The following WDR62 variants were observed in gnomAD, a reference collection of about 807,000 sequenced individuals.
WDR62 encodes the protein WD repeat-containing protein 62.
A neutral mutation model predicts 160.6 loss-of-function variants in WDR62; 112 were observed. That is an observed-to-expected ratio of 0.70 (90% CI 0.60 to 0.82). The LOEUF is 0.82. Among genes scored for constraint, WDR62 ranks in the 40% least tolerant of loss-of-function variants. The pLI is 0.00. For synonymous variants in WDR62, 792 were observed against 815.1 expected (o/e 0.97, Z 0.48); for missense variants, 1,819 against 1,983.8 (o/e 0.92, Z 1.58).
At chr19:36,057,723 G>T (rs1326758562) in intron 1 of WDR62, among the ~76,000 whole-genome samples, 2 of 152,116 alleles carry the variant, frequency 1.3e-5, no homozygotes, top group Admixed American at 1.3e-4. Context: ...CGCCATCTTG[G>T]CCAGGATGGT....
chr19:36,073,957 G>C (rs1971439354), intron 9 of WDR62: 1 of 350,408 alleles, frequency 2.9e-6, no homozygotes, highest in Non-Finnish European at 5.6e-6. Context: ...GCACTCCACA[G>C]AGAGCTTTGC....
chr19:36,103,673 A>G lies in WDR62; in HGVS notation c.3845A>G (p.Glu1282Gly). ...CCCAGTTTGGACAGTGAGGGCCAAG[A>G]GCCTGCCCTGCGTTCCTGGGGCAAC... ...TTPSLDSEGQEPALRSWGNHE... is the reference protein window; with the variant it reads ...TTPSLDSEGQGPALRSWGNHE... Residue 1282 changes from glutamate to glycine, a missense_variant, in exon 30 of 32, where the codon GAG becomes GGG. By Grantham distance (98) the Glu-to-Gly change is moderately conservative. This residue lies in a region of WDR62 where 770 missense variants were observed against 734.2 expected (regional missense o/e 1.05). Coordinates refer to ENST00000401500, the MANE Select transcript of WDR62 (RefSeq NM_001083961.2). 1 of 1,610,280 alleles carries G rather than the reference A, an allele frequency of 6.2e-7. No individual in the cohort carries two copies. Among genetic ancestry groups the G allele is most frequent in the Non-Finnish European group, 8.5e-7 (1 of 1,179,978 alleles).
chr19:36,106,240 C>G (rs1973709202), downstream of WDR62, among the ~76,000 whole-genome samples: 1 of 152,060 alleles, frequency 6.6e-6, no homozygotes, highest in Non-Finnish European at 1.5e-5. Flanking sequence ...GTGGTGCACA[C>G]CTGTAGTCCC....
intron 10 of WDR62, 60 bp downstream of exon 10, chr19:36,081,630 A>C: frequency 1.2e-6 from 2 of 1,611,822 alleles, no homozygotes; most frequent in Non-Finnish European, 1.7e-6. Context: ...TGTAAGCTTG[A>C]ATGCAGGGGC....
intron 24 of WDR62, 75 bp downstream of exon 24, chr19:36,101,392 A>C: frequency 1.5e-6 from 2 of 1,290,782 alleles, no homozygotes; most frequent in South Asian, 2.5e-5. Context: ...ACCGATGGTG[A>C]CTTTGACCCA....
At chr19:36,055,251 C>G (rs972070110) in intron 1 of WDR62, 103 bp downstream of exon 1, 13 of 1,345,314 alleles carry the variant, frequency 9.7e-6, no homozygotes, top group East Asian at 7.6e-5. Context: ...CGGCCAGTCC[C>G]CTCAGGTTGT....
Position 36,055,146 on chromosome 19 carries a change from C to T in WDR62, c.175C>T (p.Arg59Trp). Residue 59 changes from arginine (R) to tryptophan (W), a missense_variant and splice_region_variant, in exon 1 of 32, where the codon CGG becomes TGG. Arg to Trp is a moderately radical substitution (Grantham distance 101). Coordinates refer to ENST00000401500, the MANE Select transcript of WDR62 (RefSeq NM_001083961.2). ...STASEETVQN[R>W]VSLEKVLGIT... ...GGCCTCCGAGGAGACGGTGCAGAAC[C>T]GGGTGAGAAGCTGCTCGCCATGTCT... 1.2e-6 allele frequency: 2 copies of T among 1,607,680 alleles called. No homozygotes were observed. Among genetic ancestry groups the T allele is most frequent in the East Asian group, 2.2e-5 (1 of 44,526 alleles).
rs927238347 is a variant in WDR62, at chr19:36,092,722, C to T, written c.2244C>T (p.Ile748=). The T allele has an allele frequency of 6.2e-7, 1 of 1,614,202 alleles. No individual in the cohort carries two copies. Residue 748 remains isoleucine (I), a synonymous_variant, in exon 19 of 32, where the codon ATC becomes ATT. Transcript: ENST00000401500. Reference sequence around the variant, plus strand: ...TCATCTGGCACCTGGGCCCGGAGATCACCAACTGCATGAAGCAGCACTTGC... The same window carrying T: ...TCATCTGGCACCTGGGCCCGGAGATTACCAACTGCATGAAGCAGCACTTGC... ...CVFIWHLGPE[I]TNCMKQHLLE...
At chr19:36,078,791 G>C (rs1359738834) in intron 9 of WDR62, among the ~76,000 whole-genome samples, 1 of 148,430 alleles carries the variant, frequency 6.7e-6, no homozygotes, top group Non-Finnish European at 1.5e-5. Flanking sequence ...AGCCAAGATC[G>C]TGCCATTGCA....
chr19:36,066,279 G>A lies in WDR62; in HGVS notation c.413G>A (p.Arg138His), dbSNP rs199673795. Residue 138 changes from arginine (R) to histidine (H), a missense_variant, in exon 5 of 32, where the codon CGC becomes CAC. Physicochemically the swap from Arg to His is conservative, Grantham distance 29. Coordinates refer to ENST00000401500, the MANE Select transcript of WDR62 (RefSeq NM_001083961.2). ...TAGAATGGGCATAGGCCTGCTGTGC[G>A]CATCTGGGATGTGGAGGAGAAGAAT... ...TGENGHRPAV[R>H]IWDVEEKNQV... 1.1e-5 allele frequency: 18 copies of A among 1,614,204 alleles called. No individual in the cohort carries two copies. Among genetic ancestry groups the A allele is most frequent in the Middle Eastern group, 1.7e-4 (1 of 6,052 alleles).
At chr19:36,105,947 C>A (rs1191503448), downstream of WDR62, among the ~76,000 whole-genome samples, 5 of 152,192 alleles carry the variant, frequency 3.3e-5, no homozygotes, top group African/African-American at 1.2e-4. Context: ...GATCCGCCCA[C>A]CTCGGCCTCC....
At chr19:36,105,229 C>T (rs550241668), downstream of WDR62, 4 of 677,862 alleles carry the variant, frequency 5.9e-6, no homozygotes, top group African/African-American at 1.8e-5. Context: ...GGGACCAGCG[C>T]TCCCAAGAAG....
In WDR62 at chr19:36,102,776, A is replaced by G. The variant is rs372880538; in HGVS notation, c.3260A>G (p.Glu1087Gly). ...GCTCTGGGAGACGTGGAGGCCTCTG[A>G]AGCTGAAGACCACTTCTTCAACCCA... ...PAALGDVEAS[E>G]AEDHFFNPRL... is the part of the protein sequence containing the mutation. Residue 1087 changes from glutamate (E) to glycine (G), a missense_variant, in exon 27 of 32, where the codon GAA becomes GGA. Physicochemically the swap from Glu to Gly is moderately conservative, Grantham distance 98 (BLOSUM62 -2). Around this residue, in one of 3 missense-constraint regions of WDR62, gnomAD observed 770 missense variants for 734.2 expected, o/e 1.05. Coordinates refer to ENST00000401500, the MANE Select transcript of WDR62 (RefSeq NM_001083961.2). The G allele has an allele frequency of 1.2e-6, 2 of 1,614,052 alleles. No individual in the cohort carries two copies. Among genetic ancestry groups the G allele is most frequent in the Non-Finnish European group, 1.7e-6 (2 of 1,180,026 alleles).
rs1169871324 is a variant in WDR62, at chr19:36,083,184, T to C, written c.1493T>C (p.Met498Thr). 1.2e-6 allele frequency: 2 copies of C among 1,611,686 alleles called. No homozygotes were observed. Among genetic ancestry groups the C allele is most frequent in the East Asian group, 2.2e-5 (1 of 44,872 alleles). ...PMDVKAGVRV[M>T]QVSPDGQHLA... Reference sequence around the variant, plus strand: ...GACGTGAAAGCCGGGGTGCGGGTCATGCAGGTCAGTCCTGACGGCCAGCAT... The same window carrying C: ...GACGTGAAAGCCGGGGTGCGGGTCACGCAGGTCAGTCCTGACGGCCAGCAT... Residue 498 changes from methionine to threonine, a missense_variant, in exon 11 of 32, where the codon ATG becomes ACG. Physicochemically the swap from Met to Thr is moderately conservative, Grantham distance 81. This residue lies in a region of WDR62 where 934 missense variants were observed against 1,157.2 expected (regional missense o/e 0.81). Transcript: ENST00000401500.
At chr19:36,064,604 G>A in intron 3 of WDR62, among the ~76,000 whole-genome samples, 1 of 149,498 alleles carries the variant, frequency 6.7e-6, no homozygotes, top group East Asian at 2.0e-4. Flanking sequence ...TCTAGACGGA[G>A]TCTTGGTCTG....
Position 36,083,251 on chromosome 19 carries a change from C to T in WDR62, c.1550+10C>T. 2 of 1,587,026 alleles carry T rather than the reference C, an allele frequency of 1.3e-6. No homozygotes were observed. Among genetic ancestry groups the T allele is most frequent in the Non-Finnish European group, 1.7e-6 (2 of 1,166,174 alleles). On this transcript the variant is annotated intron_variant, in intron 11 of 31. Transcript: ENST00000401500. Reference sequence around the variant, plus strand: ...GAAGTGGAAATCTGAGGCAAGTGGGCCCTGGCAGTGTCCAGTGTACACCTC... The same window carrying T: ...GAAGTGGAAATCTGAGGCAAGTGGGTCCTGGCAGTGTCCAGTGTACACCTC...
At chr19:36,108,970 T>C (rs1000539010), downstream of WDR62, among the ~76,000 whole-genome samples, 1 of 151,814 alleles carries the variant, frequency 6.6e-6, no homozygotes, top group African/African-American at 2.4e-5. Flanking sequence ...CAATACAAAC[T>C]GGGAAGAGGG....
intron 7 of WDR62, chr19:36,070,794 A>T (rs1971254032): frequency 6.6e-6 from 1 of 152,390 alleles, no homozygotes; most frequent in African/African-American, 2.4e-5. Flanking sequence ...CTTAAACTGT[A>T]TCTAGAGGTC....
intron 3 of WDR62, among the ~76,000 whole-genome samples, chr19:36,064,362 G>A (rs1250340200): frequency 2.0e-5 from 3 of 151,892 alleles, no homozygotes; most frequent in Non-Finnish European, 4.4e-5. Flanking sequence ...TGCAAGCTCC[G>A]CCTCCTGGGT....
Sources: allele counts gnomAD v4.1 joint callset (sites outside exome capture counted in the v4.1 genomes callset), GRCh38; gene constraint gnomAD v4.1.1; regional missense constraint gnomAD v4.1.1; transcripts MANE v1.5; gene names NCBI Gene and HGNC (gene_info 2026-07-23, HGNC 2026-07-21).